Variants in NBEA observed in about 807,000 individuals in gnomAD.
The protein encoded by NBEA is neurobeachin, also known as lysosomal-trafficking regulator 2.
A neutral mutation model predicts 343.4 loss-of-function variants in NBEA; 44 were observed. That is an observed-to-expected ratio of 0.13 (90% confidence interval 0.10 to 0.16). The LOEUF is 0.16. NBEA is among the 10% of genes least tolerant of loss of function. NBEA has a pLI of 1.00. For synonymous variants in NBEA, 1,175 were observed against 1,238.7 expected, an observed-to-expected ratio of 0.95 and a Z score of 1.08; for missense variants, 2,555 against 3,631.3, an observed-to-expected ratio of 0.70 and a Z score of 7.62.
Position 35,667,651 on chromosome 13 carries a change from T to C in NBEA, c.8661+81T>C, listed in dbSNP as rs545153865. ...TTGTTTTACATTAAATAATTCATAA[T>C]AGAATGTCTGTGCTATCCAGATAAA... On this transcript the variant is annotated intron_variant, in intron 57 of 58. Coordinates refer to ENST00000379939, the MANE Select transcript of NBEA (RefSeq NM_001385012.1). The C allele has an allele frequency of 3.7e-4, 475 of 1,288,148 alleles. No individual in the cohort carries two copies. In the African/African-American group the frequency reaches 6.3e-3, roughly 17 times the overall value. 79.8% of individuals were successfully genotyped at this position (1,288,148 alleles called of 1,614,324 possible).
intron 38 of NBEA, among the ~76,000 whole-genome samples, chr13:35,422,982 TGTTGATGG>T (rs2044397176): frequency 6.6e-6 from 1 of 152,214 alleles, no homozygotes. Context: ...TTCGCCCATT[TGTTGATGG>T]GGTTGTTTGT....
At chr13:35,571,965 T>C (rs567573388) in intron 45 of NBEA, among the ~76,000 whole-genome samples, 3 of 152,282 alleles carry the variant, frequency 2.0e-5, no homozygotes, top group Admixed American at 2.0e-4. Context: ...AAAAGTTCTT[T>C]ATCAGTAAGA....
rs776155517 is a variant in NBEA, at chr13:35,196,073, A to G, written c.5137A>G (p.Lys1713Glu). The G allele has an allele frequency of 6.2e-7, 1 of 1,613,658 alleles. No individual in the cohort carries two copies. The highest frequency in any genetic ancestry group is 8.5e-7 in the Non-Finnish European group (1 of 1,179,726). The stretch of plus-strand genomic sequence containing the variant: ...ATCCACTTTGTCATCCGAAGTGAAG[A>G]AATCACAAGAGAGCTTAACTGAAAA... ...LLSTLSSEVK[K>E]SQESLTENPS... The change falls in exon 31 of 59, where the codon AAA becomes GAA. Residue 1713 changes from lysine to glutamate, a missense_variant. Around this residue, in one of 21 missense-constraint regions of NBEA, gnomAD observed 270 missense variants for 293.3 expected, o/e 0.92. Coordinates refer to ENST00000379939, the MANE Select transcript of NBEA (RefSeq NM_001385012.1).
chr13:35,635,513 A>AT (rs1235736601), intron 49 of NBEA, among the ~76,000 whole-genome samples: 1 of 152,222 alleles, frequency 6.6e-6, no homozygotes, highest in African/African-American at 2.4e-5. Flanking sequence ...CAAAAGCCAA[A>AT]TTAAAATGGA....
chr13:35,110,600 T>TATTATG (rs1168059484), intron 12 of NBEA, among the ~76,000 whole-genome samples: 1 of 152,132 alleles, frequency 6.6e-6, no homozygotes, highest in Non-Finnish European at 1.5e-5. Context: ...GGACTACCTC[T>TATTATG]ATTATGAGTT....
intron 13 of NBEA, among the ~76,000 whole-genome samples, chr13:35,115,988 ATCTG>A (rs765409777): frequency 1.2e-4 from 19 of 152,268 alleles, no homozygotes; most frequent in Non-Finnish European, 2.2e-4. Flanking sequence ...CTAAGACGGT[ATCTG>A]TCTGTTCTTG....
In NBEA at chr13:35,159,697, G is replaced by A. The variant is rs762587652; in HGVS notation, c.3526G>A (p.Val1176Ile). Reference sequence around the variant, plus strand: ...TATTCCAAATATTCAGGACACACAAGTACATCTTGGTGTTAGTGATGATCT... The same window carrying A: ...TATTCCAAATATTCAGGACACACAAATACATCTTGGTGTTAGTGATGATCT... Reference protein sequence around the residue: ...HIIPNIQDTQVHLGVSDDLGL... With the variant: ...HIIPNIQDTQIHLGVSDDLGL... The change falls in exon 22 of 59, where the codon GTA becomes ATA. Residue 1176 changes from valine (V) to isoleucine (I), a missense_variant. By Grantham distance (29) the Val-to-Ile change is conservative. Transcript: ENST00000379939. 2.5e-6 allele frequency: 4 copies of A among 1,612,798 alleles called. No individual in the cohort carries two copies. The highest frequency in any genetic ancestry group is 1.1e-5 in the South Asian group (1 of 90,954).
chr13:35,580,434 C>T (rs1436527752), intron 45 of NBEA, among the ~76,000 whole-genome samples: 1 of 152,088 alleles, frequency 6.6e-6, no homozygotes, highest in Non-Finnish European at 1.5e-5. Context: ...TTACCATATT[C>T]ATCTGCCAAA....
At chr13:35,406,333 G>A (rs1212320231) in intron 38 of NBEA, among the ~76,000 whole-genome samples, 2 of 145,188 alleles carry the variant, frequency 1.4e-5, no homozygotes, top group East Asian at 4.0e-4. Context: ...ATAGGTTTTG[G>A]GGGGAAAAGA....
chr13:35,668,512 G>T lies in NBEA; in HGVS notation c.8806G>T (p.Asp2936Tyr). ...AGIRAMDLSH[D>Y]QRTLITGMAS... ...CATTAGAGCAATGGACTTGTCCCAT[G>T]ACCAGAGGTGAGCTGCGTCAAGGAC... The change falls in exon 58 of 59, where the codon GAC (aspartate) becomes TAC (tyrosine). Residue 2936 changes from aspartate to tyrosine, a missense_variant. Asp to Tyr is a radical substitution (Grantham distance 160, BLOSUM62 -3). Transcript: ENST00000379939. The T allele has an allele frequency of 6.3e-7, 1 of 1,597,608 alleles. No individual in the cohort carries two copies. Among genetic ancestry groups the T allele is most frequent in the Non-Finnish European group, 8.5e-7 (1 of 1,172,168 alleles).
intron 38 of NBEA, among the ~76,000 whole-genome samples, chr13:35,377,594 G>A (rs1220539725): frequency 6.6e-6 from 1 of 152,124 alleles, no homozygotes; most frequent in Non-Finnish European, 1.5e-5. Context: ...AAGTTTACCT[G>A]TTCCATTGAA....
At chr13:35,610,261 A>G (rs1342779078) in intron 48 of NBEA, among the ~76,000 whole-genome samples, 1 of 152,116 alleles carries the variant, frequency 6.6e-6, no homozygotes. Context: ...GTGTGGTGAC[A>G]CAGTGTCTGT....
intron 26 of NBEA, among the ~76,000 whole-genome samples, chr13:35,172,337 T>C (rs2070530997): frequency 6.6e-6 from 1 of 152,042 alleles, no homozygotes; most frequent in South Asian, 2.1e-4. Flanking sequence ...AAGAGAAAGA[T>C]TGACCACATT....
intron 36 of NBEA, among the ~76,000 whole-genome samples, chr13:35,342,790 G>A (rs1024147617): frequency 6.6e-6 from 1 of 151,866 alleles, no homozygotes. Context: ...AATCAGTAGG[G>A]AGTAAAAAAG....
At chr13:35,211,852 A>C (rs1163983570) in intron 33 of NBEA, among the ~76,000 whole-genome samples, 1 of 151,502 alleles carries the variant, frequency 6.6e-6, no homozygotes, top group African/African-American at 2.4e-5. Flanking sequence ...ATAAACAAAC[A>C]AACTAAGTAA....
In NBEA at chr13:35,248,038, C is replaced by T. The variant is rs191220367; in HGVS notation, c.5776+15419C>T. 1.4e-3 allele frequency among the ~76,000 whole-genome samples: 219 copies of T among 152,226 alleles called. 1 individual carries two copies. Among genetic ancestry groups the T allele is most frequent in the African/African-American group, 5.0e-3 (207 of 41,544 alleles). ...GGAAGTGAGTAAGTTCCTGGAACCA[C>T]ACAACCTACCCAGATGAAGAAACAA... On this transcript the variant is annotated intron_variant, in intron 34 of 58. Transcript: ENST00000379939.
chr13:34,953,070 A>C (rs2059394749), intron 1 of NBEA, among the ~76,000 whole-genome samples: 2 of 152,206 alleles, frequency 1.3e-5, no homozygotes, highest in Admixed American at 1.3e-4. Context: ...TGATGATGAC[A>C]GTGATAGAAT....
At chr13:35,574,271 T>C (rs1450174919) in intron 45 of NBEA, among the ~76,000 whole-genome samples, 1 of 138,730 alleles carries the variant, frequency 7.2e-6, no homozygotes, top group African/African-American at 2.7e-5. Context: ...TATTTCTCCA[T>C]AATACATAGG....
At chr13:35,021,162 G>A (rs971089235) in intron 1 of NBEA, among the ~76,000 whole-genome samples, 1 of 151,882 alleles carries the variant, frequency 6.6e-6, no homozygotes, top group African/African-American at 2.4e-5. Context: ...TCATGGGCTG[G>A]CAAACTATTG....
Sources: allele counts gnomAD v4.1 joint callset (sites outside exome capture counted in the v4.1 genomes callset), GRCh38; gene constraint gnomAD v4.1.1; regional missense constraint gnomAD v4.1.1; transcripts MANE v1.5; gene names NCBI Gene and HGNC (gene_info 2026-07-23, HGNC 2026-07-21).